Variants in SAAL1 observed in about 807,000 individuals in gnomAD.
SAAL1 encodes the protein protein SAAL1.
Under a neutral mutation model 59.8 loss-of-function variants are expected in SAAL1, and 42 were observed. The ratio of observed to expected loss-of-function variants is 0.70; its 90% CI spans 0.55 to 0.91. The LOEUF is 0.91. Among genes scored for constraint, SAAL1 ranks in the 40% least tolerant of loss-of-function variants. SAAL1 has a pLI of 0.00. For missense variants in SAAL1, 542 were observed against 561.1 expected, an observed-to-expected ratio of 0.97 and a Z score of 0.34; for synonymous variants, 191 against 194.3, an observed-to-expected ratio of 0.98 and a Z score of 0.14.
chr11:18,098,210 A>G (rs1280145594), intron 2 of SAAL1, among the ~76,000 whole-genome samples: 1 of 152,212 alleles, frequency 6.6e-6, no homozygotes, highest in African/African-American at 2.4e-5. Flanking sequence ...AAAGAAGTCA[A>G]GAACTGCTAT....
chr11:18,106,082 T>C lies in SAAL1; in HGVS notation c.-41A>G. On this transcript the variant is annotated 5_prime_UTR_variant, in exon 1 of 12. Transcript: ENST00000524803. ...CGCGCTTGAAGGCCGTGCCGGAAGC[T>C]GCGGAGGAGACGACCGGCGCCCTAG... 1.3e-6 allele frequency: 2 copies of C among 1,565,928 alleles called. No homozygotes were observed. The highest frequency in any genetic ancestry group is 1.7e-6 in the Non-Finnish European group (2 of 1,164,254).
chr11:18,097,538 G>C (rs1389620999), intron 2 of SAAL1, among the ~76,000 whole-genome samples: 6 of 152,134 alleles, frequency 3.9e-5, no homozygotes, highest in Admixed American at 3.3e-4. Context: ...AGAAGCGGGG[G>C]ACAAGGGAAA....
chr11:18,097,869 G>C (rs1005818329), intron 2 of SAAL1, among the ~76,000 whole-genome samples: 1 of 122,078 alleles, frequency 8.2e-6, no homozygotes, highest in Non-Finnish European at 1.8e-5. Flanking sequence ...ACTTGGCTGG[G>C]CGAGGTGGCT....
Position 18,087,116 on chromosome 11 carries a change from G to A in SAAL1, c.853+27C>T, listed in dbSNP as rs778054474. On this transcript the variant is annotated intron_variant, in intron 8 of 11. Coordinates refer to ENST00000524803, the MANE Select transcript of SAAL1 (RefSeq NM_138421.3). ...TCAGCAAACAATTAAATGAGTAACT[G>A]TAGTGCATCCCGATAAACCACCTTA... The A allele has an allele frequency of 1.3e-5, 21 of 1,597,544 alleles. No individual in the cohort carries two copies. In the South Asian group the frequency reaches 2.1e-4, roughly 16 times the overall value.
At chr11:18,096,730 A>G (rs1156527003) in intron 3 of SAAL1, 41 bp downstream of exon 3, 1 of 1,012,978 alleles carries the variant, frequency 9.9e-7, no homozygotes, top group African/African-American at 1.6e-5. Flanking sequence ...ATCTGTTCTT[A>G]TTGCTTCAAA....
chr11:18,084,669 C>T (rs536588468), intron 9 of SAAL1, among the ~76,000 whole-genome samples: 93 of 152,300 alleles, frequency 6.1e-4, no homozygotes, highest in African/African-American at 2.2e-3. Context: ...AACGTATCTA[C>T]AAATGAAGAT....
chr11:18,090,742 AATG>A, intron 4 of SAAL1: 1 of 331,242 alleles, frequency 3.0e-6, no homozygotes, highest in East Asian at 5.3e-5. Context: ...CCCACCTAGA[AATG>A]ATGACCATTC....
intron 10 of SAAL1, 138 bp downstream of exon 10, chr11:18,083,397 A>C (rs1336583945): frequency 3.5e-5 from 19 of 540,866 alleles, no homozygotes; most frequent in African/African-American, 3.2e-4. Context: ...TAAGATTATA[A>C]ACTCATGGTG....
At chr11:18,103,594 A>G (rs1848657709) in intron 1 of SAAL1, among the ~76,000 whole-genome samples, 1 of 152,112 alleles carries the variant, frequency 6.6e-6, no homozygotes, top group African/African-American at 2.4e-5. Context: ...GGGTATCTAA[A>G]TGGTCCCAAT....
intron 1 of SAAL1, 51 bp downstream of exon 1, chr11:18,105,856 C>G (rs1848683642): frequency 2.7e-6 from 4 of 1,504,260 alleles, no homozygotes; most frequent in Non-Finnish European, 3.5e-6. Flanking sequence ...GGCGGAGCCC[C>G]GGTGCCTGGG....
chr11:18,085,158 C>A (rs1241278546), intron 9 of SAAL1, among the ~76,000 whole-genome samples: 1 of 152,150 alleles, frequency 6.6e-6, no homozygotes, highest in East Asian at 1.9e-4. Flanking sequence ...ATGTTTTCTA[C>A]CATCACTATT....
chr11:18,102,179 A>C (rs12099112), intron 2 of SAAL1, among the ~76,000 whole-genome samples: 2,834 of 152,234 alleles, frequency 0.019, 75 homozygotes, highest in African/African-American at 0.061. Context: ...AGGAGGATGG[A>C]TCATTTGAGG....
In SAAL1 at chr11:18,087,204, A is replaced by G; in HGVS notation, c.792T>C (p.Leu264=). The G allele has an allele frequency of 6.2e-7, 1 of 1,612,644 alleles. No homozygotes were observed. Among genetic ancestry groups the G allele is most frequent in the Non-Finnish European group, 8.5e-7 (1 of 1,178,688 alleles). The change falls in exon 8 of 12, where the codon CTT becomes CTC. Residue 264 remains leucine (L), a synonymous_variant. Coordinates refer to ENST00000524803, the MANE Select transcript of SAAL1 (RefSeq NM_138421.3). ...GTTGTAAAATGTGCATGTAAACATC[A>G]AGCCATTCTGGATTTTCAGAACTAA... ...KQVRSENPEW[L]DVYMHILQLL...
intron 3 of SAAL1, among the ~76,000 whole-genome samples, chr11:18,095,773 C>CT (rs1027820387): frequency 2.6e-5 from 4 of 152,202 alleles, no homozygotes; most frequent in African/African-American, 4.8e-5. Context: ...AAGGCCTCTC[C>CT]TTTAGTCTTT....
At chr11:18,084,374 A>T (rs1848440406) in intron 9 of SAAL1, among the ~76,000 whole-genome samples, 1 of 152,214 alleles carries the variant, frequency 6.6e-6, no homozygotes, top group South Asian at 2.1e-4. Flanking sequence ...ATGCGTAGGC[A>T]ACTTCTGCTT....
At chr11:18,088,856 T>C (rs1848493753) in intron 7 of SAAL1, among the ~76,000 whole-genome samples, 1 of 152,224 alleles carries the variant, frequency 6.6e-6, no homozygotes, top group Non-Finnish European at 1.5e-5. Flanking sequence ...AGCAGATCAA[T>C]TTAAAAATTA....
chr11:18,099,170 T>A (rs1240294539), intron 2 of SAAL1, among the ~76,000 whole-genome samples: 1 of 152,180 alleles, frequency 6.6e-6, no homozygotes, highest in African/African-American at 2.4e-5. Context: ...TATTCACAGA[T>A]TCACAGGCAT....
chr11:18,092,255 T>C lies in SAAL1; in HGVS notation c.403A>G (p.Lys135Glu). Residue 135 changes from lysine (K) to glutamate (E), a missense_variant, in exon 4 of 12, where the codon AAA becomes GAA. Physicochemically the swap from Lys to Glu is moderately conservative, Grantham distance 56. Transcript: ENST00000524803. ...QEICVSISSD[K>E]NLGQVLLHCL... ...TATAGTAAGACTTACCCAAGATTTT[T>C]ATCACTGCTGATGGACACACATATC... 6.4e-7 allele frequency: 1 copy of C among 1,573,822 alleles called. No homozygotes were observed. The highest frequency in any genetic ancestry group is 8.7e-7 in the Non-Finnish European group (1 of 1,146,020).
At chr11:18,084,763 T>C (rs1332121482) in intron 9 of SAAL1, among the ~76,000 whole-genome samples, 1 of 152,152 alleles carries the variant, frequency 6.6e-6, no homozygotes, top group Non-Finnish European at 1.5e-5. Context: ...TGGTAAGACA[T>C]ATATCTGTTT....
Sources: allele counts gnomAD v4.1 joint callset (sites outside exome capture counted in the v4.1 genomes callset), GRCh38; gene constraint gnomAD v4.1.1; transcripts MANE v1.5; gene names NCBI Gene and HGNC (gene_info 2026-07-23, HGNC 2026-07-21).